Variants in UBR3 observed in about 807,000 individuals in gnomAD.
The protein encoded by UBR3 is E3 ubiquitin-protein ligase UBR3.
UBR3 carries 85 observed loss-of-function variants against 243.2 expected under a neutral mutation model. That is an observed-to-expected ratio of 0.35 (90% CI 0.29 to 0.42). The LOEUF (loss-of-function observed/expected upper bound fraction) is 0.42. UBR3 is among the 10% of genes least tolerant of loss of function. UBR3 has a pLI of 1.00. For missense variants in UBR3, 1,686 were observed against 2,300.8 expected, an observed-to-expected ratio of 0.73 and a Z score of 5.47; for synonymous variants, 748 against 799.8, an observed-to-expected ratio of 0.94 and a Z score of 1.09.
At chr2:169,935,044 C>CA (rs376177065) in intron 19 of UBR3, among the ~76,000 whole-genome samples, 6 of 152,218 alleles carry the variant, frequency 3.9e-5, no homozygotes, top group Non-Finnish European at 8.8e-5. Flanking sequence ...AAAAAGAAAA[C>CA]AAAAACAATA....
At chr2:169,871,319 A>C (rs2083430621) in intron 1 of UBR3, among the ~76,000 whole-genome samples, 2 of 151,918 alleles carry the variant, frequency 1.3e-5, no homozygotes, top group South Asian at 4.1e-4. Flanking sequence ...TTAGCCAGAC[A>C]TAGTGGCACA....
chr2:169,943,553 A>C (rs2086671773), intron 20 of UBR3, among the ~76,000 whole-genome samples: 1 of 152,170 alleles, frequency 6.6e-6, no homozygotes, highest in Non-Finnish European at 1.5e-5. Context: ...GTGAGCCCAG[A>C]TTGTGCCACT....
At chr2:170,033,061 T>G (rs2105425213) in intron 31 of UBR3, among the ~76,000 whole-genome samples, 1 of 152,170 alleles carries the variant, frequency 6.6e-6, no homozygotes, top group Non-Finnish European at 1.5e-5. Flanking sequence ...CTAGCATACT[T>G]AAGGACAAAG....
At position 169,914,659 on chromosome 2, in the gene UBR3, G is replaced by A. The variant is rs539244296; in HGVS notation, c.1866+513G>A. Among the ~76,000 whole-genome samples, 10 of 152,252 alleles carry A rather than the reference G, an allele frequency of 6.6e-5. No individual in the cohort carries two copies. The East Asian group carries it at 1.3e-3, about 21-fold the overall frequency. The stretch of plus-strand genomic sequence containing the variant: ...ATTGAACAAGTAATTGCTTTTATTC[G>A]TTGGCCAAGTTTACCATCAGAAGCT... On this transcript the variant is annotated intron_variant, in intron 11 of 38. Coordinates refer to ENST00000272793, the MANE Select transcript of UBR3 (RefSeq NM_172070.4).
At chr2:169,951,010 A>G (rs1325691111) in intron 23 of UBR3, among the ~76,000 whole-genome samples, 4 of 152,200 alleles carry the variant, frequency 2.6e-5, no homozygotes, top group Non-Finnish European at 4.4e-5. Context: ...GAGGTTATAA[A>G]TAATATTCAT....
intron 1 of UBR3, among the ~76,000 whole-genome samples, chr2:169,835,992 TG>T (rs2082073011): frequency 1.1e-4 from 2 of 18,852 alleles, no homozygotes; most frequent in Non-Finnish European, 2.0e-4. Flanking sequence ...CTGTGTGCAC[TG>T]TCTCTCTCTC....
intron 35 of UBR3, among the ~76,000 whole-genome samples, chr2:170,066,751 G>A (rs998304131): frequency 2.0e-5 from 3 of 152,034 alleles, no homozygotes; most frequent in Non-Finnish European, 4.4e-5. Flanking sequence ...CGATCACAAG[G>A]TCAGGAGATC....
At chr2:170,020,425 A>G (rs1304084308) in intron 30 of UBR3, among the ~76,000 whole-genome samples, 3 of 152,178 alleles carry the variant, frequency 2.0e-5, no homozygotes, top group Admixed American at 1.3e-4. Flanking sequence ...CATGAAAGAT[A>G]CATATGTGGT....
chr2:169,908,173 G>A (rs1163935738), intron 10 of UBR3, among the ~76,000 whole-genome samples: 1 of 151,990 alleles, frequency 6.6e-6, no homozygotes, highest in Non-Finnish European at 1.5e-5. Flanking sequence ...ATTCTCTTTT[G>A]TTGGCTCAGA....
At chr2:170,054,316 CTGT>C (rs2091286350) in intron 32 of UBR3, among the ~76,000 whole-genome samples, 2 of 149,936 alleles carry the variant, frequency 1.3e-5, no homozygotes, top group African/African-American at 4.9e-5. Flanking sequence ...GAGTCTCACA[CTGT>C]TGCCTGGGCT....
At chr2:170,056,101 G>C (rs2091330030) in intron 33 of UBR3, among the ~76,000 whole-genome samples, 1 of 147,566 alleles carries the variant, frequency 6.8e-6, no homozygotes, top group Admixed American at 6.9e-5. Context: ...TCTGCCTCCT[G>C]GGTTCAAGCA....
intron 24 of UBR3, among the ~76,000 whole-genome samples, chr2:169,969,937 CTTTTTTT>C (rs34413545): frequency 1.1e-5 from 1 of 89,774 alleles, no homozygotes; most frequent in Non-Finnish European, 2.2e-5. Context: ...ATGCCTCCAG[CTTTTTTT>C]TTTTTTTTTT....
intron 25 of UBR3, among the ~76,000 whole-genome samples, chr2:169,989,357 C>T (rs565598299): frequency 6.6e-6 from 1 of 151,960 alleles, no homozygotes; most frequent in Admixed American, 6.5e-5. Context: ...TTAATAGATC[C>T]ACTCTCCCTC....
rs1373983941 is a variant in UBR3, at chr2:170,001,932, AAAAAAAAAAAG to A, written c.4029+522_4029+532del. ...CATCTCAAAAAAAAAAAAAAAAAAA[AAAAAAAAAAAG>A]AAAGAAAAATTTTTTTCACTTTAGC... On this transcript the variant is annotated intron_variant, in intron 27 of 38. Transcript: ENST00000272793. 1.2e-3 allele frequency among the ~76,000 whole-genome samples: 160 copies of A among 136,322 alleles called. 5 individuals carry two copies. The highest frequency in any genetic ancestry group is 7.3e-3 in the Middle Eastern group (2 of 274). The allele number at this position is 136,322 out of a possible 152,430, so 89.4% of individuals were successfully genotyped here.
intron 24 of UBR3, among the ~76,000 whole-genome samples, chr2:169,969,747 C>G (rs2088009437): frequency 1.4e-5 from 2 of 147,834 alleles, no homozygotes; most frequent in African/African-American, 5.0e-5. Context: ...GATGGGGTTT[C>G]ACTGTGTTAG....
At chr2:170,043,236 A>G (rs993221430) in intron 32 of UBR3, among the ~76,000 whole-genome samples, 19 of 152,166 alleles carry the variant, frequency 1.2e-4, no homozygotes, top group Non-Finnish European at 1.8e-4. Context: ...ATATTAATCA[A>G]TATTTAATCT....
chr2:170,037,271 C>T (rs1402831406), intron 31 of UBR3, among the ~76,000 whole-genome samples: 1 of 152,070 alleles, frequency 6.6e-6, no homozygotes, highest in Non-Finnish European at 1.5e-5. Context: ...GTCTAGTTAT[C>T]GGGCTGAGTT....
At chr2:169,844,985 T>G (rs2082420045) in intron 1 of UBR3, among the ~76,000 whole-genome samples, 1 of 152,232 alleles carries the variant, frequency 6.6e-6, no homozygotes, top group Non-Finnish European at 1.5e-5. Context: ...TCTTCTTTTC[T>G]AATAAGATAT....
chr2:170,023,286 T>C (rs975158336), intron 30 of UBR3, among the ~76,000 whole-genome samples: 4 of 152,156 alleles, frequency 2.6e-5, no homozygotes, highest in Admixed American at 6.5e-5. Context: ...GTTTTTTCCA[T>C]TGACAGTGAT....
Sources: gnomAD v4.1 joint callset for allele counts (sites outside exome capture counted in the v4.1 genomes callset) on GRCh38, gnomAD v4.1.1 for gene constraint, MANE v1.5 for transcripts, NCBI Gene and HGNC (gene_info 2026-07-23, HGNC 2026-07-21) for gene names.